EMSY: variants seen among roughly 807,000 people sequenced by gnomAD.
The protein encoded by EMSY is BRCA2-interacting transcriptional repressor EMSY.
Under a neutral mutation model 134.6 loss-of-function variants are expected in EMSY, and 26 were observed. The observed-to-expected ratio is 0.19, with a 90% CI of 0.14 to 0.27. The LOEUF (loss-of-function observed/expected upper bound fraction) is 0.27, where lower values mean the gene tolerates loss of function less well. EMSY is among the 10% of genes least tolerant of loss of function. The pLI is 1.00. For synonymous variants in EMSY, 579 were observed against 577.8 expected (o/e 1.00, Z -0.03); for missense variants, 1,305 against 1,611.4 (o/e 0.81, Z 3.26).
At chr11:76,463,301 C>T (rs1948203091) in intron 6 of EMSY, among the ~76,000 whole-genome samples, 1 of 144,888 alleles carries the variant, frequency 6.9e-6, no homozygotes, top group African/African-American at 2.6e-5. Flanking sequence ...CCAGCCTGGG[C>T]GACAGAGTGA....
intron 13 of EMSY, among the ~76,000 whole-genome samples, chr11:76,526,874 T>TA (rs1410493602): frequency 6.6e-6 from 1 of 152,156 alleles, no homozygotes; most frequent in African/African-American, 2.4e-5. Context: ...GGGAAATAAT[T>TA]ACCTAGGAAT....
chr11:76,465,003 T>A (rs998559658), intron 7 of EMSY, among the ~76,000 whole-genome samples: 5 of 152,226 alleles, frequency 3.3e-5, no homozygotes, highest in African/African-American at 9.6e-5. Context: ...TTACAAACTT[T>A]CAGTAACTTT....
chr11:76,455,605 A>C (rs1246874183), intron 4 of EMSY, among the ~76,000 whole-genome samples: 2 of 152,120 alleles, frequency 1.3e-5, no homozygotes, highest in Non-Finnish European at 2.9e-5. Context: ...ATGTGGTTGA[A>C]AGGTGATGAG....
intron 9 of EMSY, among the ~76,000 whole-genome samples, chr11:76,501,736 C>T (rs76718217): frequency 2.0e-4 from 30 of 151,838 alleles, no homozygotes; most frequent in African/African-American, 7.3e-4. Context: ...AATGGAAGTA[C>T]GAGAGTTGGG....
intron 9 of EMSY, among the ~76,000 whole-genome samples, chr11:76,504,555 C>T (rs1170236625): frequency 2.0e-5 from 3 of 152,170 alleles, no homozygotes; most frequent in East Asian, 3.9e-4. Context: ...TGTAGAGAAA[C>T]AGGAATCCTC....
chr11:76,526,388 C>A, intron 12 of EMSY, 74 bp from the exon 14 acceptor site: 1 of 1,147,042 alleles, frequency 8.7e-7, no homozygotes, highest in Non-Finnish European at 1.2e-6. Context: ...TAAAACCTTA[C>A]TGATTTTTCA....
chr11:76,489,659 C>T (rs1179194775), intron 8 of EMSY, among the ~76,000 whole-genome samples: 3 of 149,132 alleles, frequency 2.0e-5, no homozygotes, highest in Non-Finnish European at 3.0e-5. Context: ...GGCTGGAGTA[C>T]AGTGGCGTGA....
chr11:76,526,712 A>G, intron 13 of EMSY, 77 bp downstream of exon 14: 2 of 1,356,892 alleles, frequency 1.5e-6, no homozygotes, highest in Non-Finnish European at 2.0e-6. Flanking sequence ...AGAAATTTGA[A>G]GGAAAAGATC....
intron 5 of EMSY, 34 bp downstream of exon 6, chr11:76,458,392 CT>C: frequency 6.6e-7 from 1 of 1,503,820 alleles, no homozygotes. Context: ...TTAGAGATTA[CT>C]TTTCTTAGAA....
chr11:76,524,475 A>T (rs1438296059), intron 12 of EMSY, among the ~76,000 whole-genome samples: 1 of 152,192 alleles, frequency 6.6e-6, no homozygotes, highest in Non-Finnish European at 1.5e-5. Flanking sequence ...AATGTGTGGG[A>T]AAACAGATTG....
chr11:76,510,873 T>C (rs1590936078), intron 9 of EMSY, among the ~76,000 whole-genome samples: 1 of 152,334 alleles, frequency 6.6e-6, no homozygotes, highest in Middle Eastern at 3.4e-3. Flanking sequence ...CTTGCTGAGC[T>C]AGTAGTGGGG....
At chr11:76,496,113 T>A in intron 8 of EMSY, 102 bp from the exon 10 acceptor site, 1 of 1,302,018 alleles carries the variant, frequency 7.7e-7, no homozygotes, top group Non-Finnish European at 1.1e-6. Context: ...TACTTTTTGT[T>A]GATTTCCCTA....
chr11:76,500,230 A>G (rs763454875), intron 9 of EMSY, among the ~76,000 whole-genome samples: 1 of 152,198 alleles, frequency 6.6e-6, no homozygotes, highest in Non-Finnish European at 1.5e-5. Flanking sequence ...GTTACTTAAT[A>G]TAATACTTAA....
chr11:76,494,615 T>TTGCG (rs1555056389), intron 8 of EMSY, among the ~76,000 whole-genome samples: 8 of 136,408 alleles, frequency 5.9e-5, no homozygotes, highest in Non-Finnish European at 9.8e-5. Context: ...TCTGACTACC[T>TTGCG]TGCCTGCCTG....
chr11:76,520,145 G>A (rs1382038134), intron 11 of EMSY, among the ~76,000 whole-genome samples: 2 of 151,792 alleles, frequency 1.3e-5, no homozygotes, highest in Non-Finnish European at 2.9e-5. Context: ...ATTTATAATT[G>A]ATCATTCTAT....
intron 9 of EMSY, among the ~76,000 whole-genome samples, chr11:76,501,165 T>C (rs1366554435): frequency 6.6e-6 from 1 of 152,250 alleles, no homozygotes; most frequent in Non-Finnish European, 1.5e-5. Context: ...TTGTTGTCTT[T>C]TTCCTAAATA....
At chr11:76,467,647 G>A (rs1948406586) in intron 7 of EMSY, among the ~76,000 whole-genome samples, 1 of 152,124 alleles carries the variant, frequency 6.6e-6, no homozygotes, top group Admixed American at 6.6e-5. Flanking sequence ...GAAGTATCTG[G>A]TTCCAATACT....
At chr11:76,495,785 G>A (rs1276775320) in intron 8 of EMSY, among the ~76,000 whole-genome samples, 3 of 151,968 alleles carry the variant, frequency 2.0e-5, no homozygotes, top group African/African-American at 7.2e-5. Flanking sequence ...TAAACTGGCT[G>A]ATTAGAACCT....
intron 8 of EMSY, among the ~76,000 whole-genome samples, chr11:76,479,638 A>G (rs926294382): frequency 1.3e-5 from 2 of 152,240 alleles, no homozygotes; most frequent in African/African-American, 2.4e-5. Flanking sequence ...ATGTTTATCT[A>G]TAGCACAGAA....
Sources: allele counts gnomAD v4.1 joint callset (sites outside exome capture counted in the v4.1 genomes callset), GRCh38; gene constraint gnomAD v4.1.1; transcripts MANE v1.5; gene names NCBI Gene and HGNC (gene_info 2026-07-23, HGNC 2026-07-21).